MYOM3: variants seen among roughly 807,000 people sequenced by gnomAD.
MYOM3 encodes the protein myomesin 3.
In MYOM3, 155 loss-of-function variants were observed where a neutral mutation model predicts 191.7. The observed-to-expected ratio is 0.81, with a 90% CI of 0.71 to 0.92. MYOM3 has a LOEUF of 0.92. Among genes scored for constraint, MYOM3 ranks in the 40% least tolerant of loss-of-function variants. The pLI is 0.00. For missense variants in MYOM3, 1,889 were observed against 1,890.6 expected (o/e 1.00, Z 0.02); for synonymous variants, 757 against 762.9 (o/e 0.99, Z 0.13).
At chr1:24,075,141 T>G (rs562628379) in intron 22 of MYOM3, among the ~76,000 whole-genome samples, 178 bp downstream of exon 22, 12 of 152,002 alleles carry the variant, frequency 7.9e-5, no homozygotes, top group African/African-American at 2.4e-4. Flanking sequence ...GCCGCTTAAA[T>G]GCACTCTCCA....
chr1:24,102,770 C>T (rs1643947190), intron 5 of MYOM3, among the ~76,000 whole-genome samples: 3 of 152,140 alleles, frequency 2.0e-5, no homozygotes, highest in Admixed American at 1.3e-4. Context: ...CGCTTGAGCC[C>T]AGGAAGTTGA....
rs753188983 is a variant in MYOM3, at chr1:24,071,967, A to T, written c.3013+2T>A. 6.2e-7 allele frequency: 1 copy of T among 1,613,928 alleles called. No individual in the cohort carries two copies. Among genetic ancestry groups the T allele is most frequent in the Non-Finnish European group, 8.5e-7 (1 of 1,179,932 alleles). On this transcript the variant is annotated splice_donor_variant, in intron 24 of 36. Coordinates refer to ENST00000374434, the MANE Select transcript of MYOM3 (RefSeq NM_152372.4). LOFTEE classifies it high-confidence loss of function. ...GGCTGGTAGCTTGGACTGCTTGCTT[A>T]CCTGGGTTTCTGATCTCATGACTCA...
At chr1:24,093,409 G>A (rs1643862603) in intron 9 of MYOM3, among the ~76,000 whole-genome samples, 1 of 152,150 alleles carries the variant, frequency 6.6e-6, no homozygotes, top group South Asian at 2.1e-4. Flanking sequence ...GTTCTCTGAG[G>A]GAGTAGGAGC....
At chr1:24,064,031 T>C (rs770708711) in intron 30 of MYOM3, 41 bp downstream of exon 30, 1 of 1,453,056 alleles carries the variant, frequency 6.9e-7, no homozygotes, top group Admixed American at 1.7e-5. Flanking sequence ...TCTGCTCCAC[T>C]GTGCTCCCTC....
intron 32 of MYOM3, 75 bp from the exon 33 acceptor site, chr1:24,062,184 T>C: frequency 6.4e-7 from 1 of 1,562,128 alleles, no homozygotes; most frequent in Non-Finnish European, 8.7e-7. Context: ...CAAAATCCTC[T>C]CCTCTGGTTT....
At chr1:24,106,161 A>T (rs953430895) in intron 4 of MYOM3, 84 bp from the exon 5 acceptor site, 26 of 1,426,364 alleles carry the variant, frequency 1.8e-5, no homozygotes, top group African/African-American at 2.8e-5. Context: ...ACTGACACCC[A>T]GACTCTGTAG....
chr1:24,107,152 C>T lies in MYOM3; in HGVS notation c.323G>A (p.Trp108Ter). The change falls in exon 4 of 37, where the codon TGG (tryptophan) becomes TAG (stop). Residue 108 changes from tryptophan (W) to a stop codon, truncating the protein, a stop_gained. Coordinates refer to ENST00000374434, the MANE Select transcript of MYOM3 (RefSeq NM_152372.4). LOFTEE classifies it high-confidence loss of function. ...GQKRVGFGND[W>*]ERTEIAFLQT... Reference sequence around the variant, plus strand: ...CAGGAAGGCGATCTCAGTCCTCTCCCAGTCATTGCCGAAGCCCACCCGCTT... The same window carrying T: ...CAGGAAGGCGATCTCAGTCCTCTCCTAGTCATTGCCGAAGCCCACCCGCTT... The T allele has an allele frequency of 1.2e-6, 2 of 1,612,422 alleles. No homozygotes were observed. Among genetic ancestry groups the T allele is most frequent in the African/African-American group, 2.7e-5 (2 of 75,052 alleles).
chr1:24,070,211 T>TAA (rs1355267114), intron 25 of MYOM3, among the ~76,000 whole-genome samples: 11 of 152,122 alleles, frequency 7.2e-5, no homozygotes, highest in Non-Finnish European at 1.6e-4. Context: ...AATGAATCGG[T>TAA]TTGACTTTAA....
rs778252536 is a variant in MYOM3, at chr1:24,083,495, CA to C, written c.1971-782del. The C allele has an allele frequency of 2.0e-5, 3 of 152,656 alleles. No homozygotes were observed. The East Asian group carries it at 5.8e-4, about 29-fold the overall frequency. 9.5% of individuals were successfully genotyped at this position (152,656 alleles called of 1,614,324 possible). On this transcript the variant is annotated intron_variant, in intron 16 of 36. Transcript: ENST00000374434. ...GCTTCCTCGCTCCTCAGCTTGCAAA[CA>C]GCCGGTTGTACGACTTTACTTTGTG...
intron 1 of MYOM3, among the ~76,000 whole-genome samples, chr1:24,110,106 G>A (rs2148564045): frequency 6.6e-6 from 1 of 152,284 alleles, no homozygotes; most frequent in African/African-American, 2.4e-5. Flanking sequence ...AGTCACTGCT[G>A]GGTCTCTGAG....
At chr1:24,071,031 GTACCAGCCCATGCGGAAT>G in intron 25 of MYOM3, 68 bp downstream of exon 25, 3 of 1,505,314 alleles carry the variant, frequency 2.0e-6, no homozygotes, top group Non-Finnish European at 1.8e-6. Flanking sequence ...CTAGGGGGAA[GTACCAGCCCATGCGGAAT>G]CACCATCCCG....
chr1:24,106,839 G>C (rs1347547245), intron 4 of MYOM3, among the ~76,000 whole-genome samples: 1 of 152,204 alleles, frequency 6.6e-6, no homozygotes, highest in African/African-American at 2.4e-5. Flanking sequence ...AAAGTGCTGG[G>C]GTTACAGGCG....
intron 29 of MYOM3, 78 bp from the exon 30 acceptor site, chr1:24,064,237 G>T: frequency 8.8e-7 from 1 of 1,132,952 alleles, no homozygotes; most frequent in Non-Finnish European, 1.3e-6. Flanking sequence ...GGAGGCCTGG[G>T]CTCCAGGCCT....
intron 1 of MYOM3, among the ~76,000 whole-genome samples, chr1:24,110,703 C>T (rs1644031226): frequency 6.6e-6 from 1 of 152,192 alleles, no homozygotes; most frequent in Admixed American, 6.5e-5. Flanking sequence ...CTAATCATCT[C>T]AAATGACATA....
chr1:24,075,171 A>C, intron 22 of MYOM3, 148 bp downstream of exon 22: 1 of 709,622 alleles, frequency 1.4e-6, no homozygotes, highest in South Asian at 1.9e-5. Flanking sequence ...CTAAGGTGGC[A>C]GTCAGCGTCC....
rs987182365 is a variant in MYOM3 at position 24,111,347 on chromosome 1, G to A, written c.-19+684C>T. On this transcript the variant is annotated intron_variant, in intron 1 of 36. Coordinates refer to ENST00000374434, the MANE Select transcript of MYOM3 (RefSeq NM_152372.4). The surrounding 1 kb of genome is among the most constrained non-coding windows in gnomAD (Gnocchi z 4.7). ...AGGAGGGAAAGAGGAATGCACAGCA[G>A]TTGAGCCAAGACCCCTCCAGGAGCT... 2.0e-5 allele frequency among the ~76,000 whole-genome samples: 3 copies of A among 152,224 alleles called. No homozygotes were observed. Among genetic ancestry groups the A allele is most frequent in the African/African-American group, 7.2e-5 (3 of 41,462 alleles).
Position 24,111,423 on chromosome 1 carries a change from G to A in MYOM3, c.-19+608C>T, listed in dbSNP as rs1367214050. Among the ~76,000 whole-genome samples, 5 of 152,232 alleles carry A rather than the reference G, an allele frequency of 3.3e-5. No homozygotes were observed. Among genetic ancestry groups the A allele is most frequent in the East Asian group, 3.8e-4 (2 of 5,196 alleles). ...AGCAGAGACACATCCTGCGGGCGGC[G>A]GGTGGCACAGGCTGGGACGTGTTCT... On this transcript the variant is annotated intron_variant, in intron 1 of 36. Transcript: ENST00000374434. The surrounding 1 kb of genome is among the most constrained non-coding windows in gnomAD (Gnocchi z 4.7).
At chr1:24,106,931 A>G in intron 4 of MYOM3, 142 bp downstream of exon 4, 2 of 792,940 alleles carry the variant, frequency 2.5e-6, no homozygotes, top group South Asian at 3.8e-5. Context: ...GGGTCACACC[A>G]CTGGAATGTA....
chr1:24,105,636 G>A (rs1233893807), intron 5 of MYOM3, among the ~76,000 whole-genome samples: 1 of 152,250 alleles, frequency 6.6e-6, no homozygotes, highest in South Asian at 2.1e-4. Flanking sequence ...GCTTGTGCCT[G>A]TGGTCCCAGC....
Sources: allele counts gnomAD v4.1 joint callset (sites outside exome capture counted in the v4.1 genomes callset), GRCh38; gene constraint gnomAD v4.1.1; non-coding constraint Gnocchi (gnomAD v3.1); transcripts MANE v1.5; gene names NCBI Gene and HGNC (gene_info 2026-07-23, HGNC 2026-07-21).